The following NKAIN2 variants were observed in gnomAD, a reference collection of about 807,000 sequenced individuals.
The protein encoded by NKAIN2 is sodium/potassium transporting ATPase interacting 2.
In NKAIN2, 14 loss-of-function variants were observed where a neutral mutation model predicts 32.6. The observed-to-expected ratio is 0.43, with a 90% CI of 0.28 to 0.67. The LOEUF (loss-of-function observed/expected upper bound fraction) is 0.67, where lower values mean the gene tolerates loss of function less well. NKAIN2 is among the 30% of genes least tolerant of loss of function. NKAIN2 has a pLI of 0.17. For missense variants in NKAIN2, 198 were observed against 258.3 expected, an observed-to-expected ratio of 0.77 and a Z score of 1.60; for synonymous variants, 80 against 87.2, an observed-to-expected ratio of 0.92 and a Z score of 0.46.
intron 2 of NKAIN2, among the ~76,000 whole-genome samples, chr6:124,354,686 A>C (rs1798886564): frequency 6.6e-6 from 1 of 152,188 alleles, no homozygotes; most frequent in South Asian, 2.1e-4. Context: ...GGGTTGTATC[A>C]GACATATATG....
intron 1 of NKAIN2, among the ~76,000 whole-genome samples, chr6:124,271,583 A>C (rs1243903630): frequency 6.6e-6 from 1 of 152,184 alleles, no homozygotes; most frequent in African/African-American, 2.4e-5. Flanking sequence ...AAAATGGACT[A>C]ATAAAGTGGA....
chr6:123,906,304 G>A (rs915943885), intron 1 of NKAIN2, among the ~76,000 whole-genome samples: 16 of 149,252 alleles, frequency 1.1e-4, no homozygotes, highest in Admixed American at 6.0e-4. Flanking sequence ...TTCCTTTTCA[G>A]TCAGGGTCTT....
rs369028262 is a variant in NKAIN2 at position 124,591,580 on chromosome 6, T to G, written c.274-66606T>G. 4.6e-5 allele frequency among the ~76,000 whole-genome samples: 7 copies of G among 152,268 alleles called. No homozygotes were observed. The South Asian group carries it at 8.3e-4, about 18-fold the overall frequency. ...CTGTCCACTGCAAAAAAATAATTTT[T>G]TTGTACCTCTCTTCTGGTATCAAAG... On this transcript the variant is annotated intron_variant, in intron 3 of 6. Coordinates refer to ENST00000368417, the MANE Select transcript of NKAIN2 (RefSeq NM_001040214.3).
At chr6:124,479,384 C>T (rs1777357978) in intron 3 of NKAIN2, among the ~76,000 whole-genome samples, 2 of 152,100 alleles carry the variant, frequency 1.3e-5, no homozygotes, top group South Asian at 2.1e-4. Context: ...TTCTTCAAAA[C>T]CTTTTGGTAA....
At chr6:124,083,589 A>T (rs1342136575) in intron 1 of NKAIN2, among the ~76,000 whole-genome samples, 1 of 151,954 alleles carries the variant, frequency 6.6e-6, no homozygotes, top group African/African-American at 2.4e-5. Flanking sequence ...ATTTTAGTTG[A>T]TCCACCTATA....
At chr6:124,006,512 G>A (rs1336409853) in intron 1 of NKAIN2, among the ~76,000 whole-genome samples, 2 of 152,110 alleles carry the variant, frequency 1.3e-5, no homozygotes, top group African/African-American at 4.8e-5. Flanking sequence ...AATGTTTCAG[G>A]GTATTACTGC....
intron 1 of NKAIN2, among the ~76,000 whole-genome samples, chr6:124,268,069 G>A (rs934510669): frequency 6.6e-6 from 1 of 152,002 alleles, no homozygotes; most frequent in African/African-American, 2.4e-5. Flanking sequence ...AGTCTATCGT[G>A]TATGTAATAA....
intron 3 of NKAIN2, among the ~76,000 whole-genome samples, chr6:124,651,045 G>A (rs781218259): frequency 5.3e-5 from 8 of 152,250 alleles, no homozygotes; most frequent in African/African-American, 1.4e-4. Context: ...CCAAAAGGGC[G>A]AAATAGGTAA....
At chr6:124,501,835 C>A (rs1778304045) in intron 3 of NKAIN2, among the ~76,000 whole-genome samples, 1 of 152,088 alleles carries the variant, frequency 6.6e-6, no homozygotes, top group Admixed American at 6.6e-5. Flanking sequence ...TTCTCCTTCC[C>A]TTCTTTGTCT....
At chr6:123,995,326 G>A (rs1377184296) in intron 1 of NKAIN2, among the ~76,000 whole-genome samples, 2 of 152,284 alleles carry the variant, frequency 1.3e-5, no homozygotes, top group East Asian at 3.9e-4. Context: ...AGTAACAGAG[G>A]ACCTGGCCTT....
chr6:124,696,717 T>G (rs555854349), intron 4 of NKAIN2, among the ~76,000 whole-genome samples: 1 of 152,090 alleles, frequency 6.6e-6, no homozygotes, highest in African/African-American at 2.4e-5. Context: ...CCAATTGATA[T>G]GTTGTTTTCT....
chr6:124,664,295 AAAG>A (rs1305673629), intron 4 of NKAIN2, among the ~76,000 whole-genome samples: 3 of 151,832 alleles, frequency 2.0e-5, no homozygotes, highest in Non-Finnish European at 2.9e-5. Context: ...AAGAAAAAAA[AAAG>A]AAATTCATAT....
chr6:123,983,190 T>A lies in NKAIN2; in HGVS notation c.54+178936T>A, dbSNP rs1023729546. On this transcript the variant is annotated intron_variant, in intron 1 of 6. Coordinates refer to ENST00000368417, the MANE Select transcript of NKAIN2 (RefSeq NM_001040214.3). The stretch of plus-strand genomic sequence containing the variant: ...AAAATGACTTTGAATTTGGACAAAT[T>A]GATTTGGAAATACCTGTGGGACTTT... Among the ~76,000 whole-genome samples, 5 of 152,198 alleles carry A rather than the reference T, an allele frequency of 3.3e-5. No homozygotes were observed. The South Asian group carries it at 8.3e-4, about 25-fold the overall frequency.
At chr6:124,229,079 G>A (rs998275251) in intron 1 of NKAIN2, among the ~76,000 whole-genome samples, 2 of 152,152 alleles carry the variant, frequency 1.3e-5, no homozygotes, top group Non-Finnish European at 1.5e-5. Context: ...GAAAAGATAT[G>A]TAGTCATTGG....
intron 3 of NKAIN2, among the ~76,000 whole-genome samples, chr6:124,639,265 C>A (rs940402073): frequency 6.6e-6 from 1 of 152,156 alleles, no homozygotes; most frequent in Non-Finnish European, 1.5e-5. Context: ...GATATCTGCA[C>A]CCCCATGTTT....
rs573414089 is a variant in NKAIN2 at position 124,629,056 on chromosome 6, T to C, written c.274-29130T>C. On this transcript the variant is annotated intron_variant, in intron 3 of 6. Transcript: ENST00000368417. ...AGTCAGTCATGCATTGTGGAGTTGG[T>C]GGGGCTAAGTGATGGGAAAGAGAAA... Among the ~76,000 whole-genome samples the C allele has an allele frequency of 1.1e-3, 175 of 152,238 alleles. 1 individual carries two copies. Among genetic ancestry groups the C allele is most frequent in the African/African-American group, 3.8e-3 (160 of 41,564 alleles).
At chr6:123,947,481 AAT>A (rs1330535413) in intron 1 of NKAIN2, among the ~76,000 whole-genome samples, 3 of 152,126 alleles carry the variant, frequency 2.0e-5, no homozygotes, top group Non-Finnish European at 4.4e-5. Flanking sequence ...ATACCACCAG[AAT>A]ATATCCTGTG....
chr6:124,656,606 A>G (rs574657950), intron 3 of NKAIN2, among the ~76,000 whole-genome samples: 1 of 152,176 alleles, frequency 6.6e-6, no homozygotes, highest in African/African-American at 2.4e-5. Context: ...TCTCATCTGT[A>G]GGTACATGAT....
chr6:124,315,963 C>T (rs897653684), intron 2 of NKAIN2, among the ~76,000 whole-genome samples: 2 of 151,870 alleles, frequency 1.3e-5, no homozygotes, highest in Non-Finnish European at 2.9e-5. Context: ...TTTCCTAGTA[C>T]GCTGCACCTA....
Sources: gnomAD v4.1 joint callset for allele counts (sites outside exome capture counted in the v4.1 genomes callset) on GRCh38, gnomAD v4.1.1 for gene constraint, MANE v1.5 for transcripts, NCBI Gene and HGNC (gene_info 2026-07-23, HGNC 2026-07-21) for gene names.